The following TNIK variants were observed in gnomAD, a reference collection of about 807,000 sequenced individuals.
TNIK encodes TRAF2 and NCK interacting kinase.
Under a neutral mutation model 191.3 loss-of-function variants are expected in TNIK, and 49 were observed. The ratio of observed to expected loss-of-function variants is 0.26; its 90% CI spans 0.20 to 0.32. The LOEUF is 0.32. TNIK is among the 10% of genes least tolerant of loss of function. The pLI, the probability that TNIK is intolerant of heterozygous loss-of-function variation, is 1.00. For synonymous variants in TNIK, 594 were observed against 600.9 expected (o/e 0.99, Z 0.17); for missense variants, 1,155 against 1,702.3 (o/e 0.68, Z 5.66).
chr3:171,091,724 G>C (rs984874156), intron 23 of TNIK, among the ~76,000 whole-genome samples: 4 of 151,736 alleles, frequency 2.6e-5, no homozygotes, highest in Admixed American at 6.6e-5. Context: ...GACAGAGCGA[G>C]ACTCCATCTC....
intron 23 of TNIK, among the ~76,000 whole-genome samples, chr3:171,089,885 C>T (rs1056367369): frequency 1.3e-5 from 2 of 152,164 alleles, no homozygotes; most frequent in Non-Finnish European, 1.5e-5. Context: ...CTGAGTGACA[C>T]GGGTTCTAAG....
intron 2 of TNIK, among the ~76,000 whole-genome samples, chr3:171,293,475 TG>T (rs920097310): frequency 6.6e-6 from 1 of 152,212 alleles, no homozygotes; most frequent in Non-Finnish European, 1.5e-5. Context: ...CACATAACTA[TG>T]GGGAAATTAT....
chr3:171,305,172 C>T (rs753335784), intron 2 of TNIK, among the ~76,000 whole-genome samples: 26 of 151,948 alleles, frequency 1.7e-4, no homozygotes, highest in Non-Finnish European at 2.9e-4. Flanking sequence ...AGAGCTAAAG[C>T]ATAACCTGAC....
At chr3:171,228,371 T>C (rs1743205770) in intron 2 of TNIK, 150 bp from the exon 3 acceptor site, 2 of 718,978 alleles carry the variant, frequency 2.8e-6, no homozygotes. Flanking sequence ...ACACCATGTC[T>C]ACTTAGTGTT....
intron 7 of TNIK, among the ~76,000 whole-genome samples, chr3:171,182,157 C>T (rs1332263001): frequency 7.7e-6 from 1 of 129,442 alleles, no homozygotes; most frequent in Non-Finnish European, 1.6e-5. Context: ...CATTTGATAT[C>T]ATTGTTAGGA....
intron 23 of TNIK, among the ~76,000 whole-genome samples, chr3:171,091,416 C>A (rs60856596): frequency 0.033 from 4,987 of 152,238 alleles, 292 homozygotes; most frequent in African/African-American, 0.11. Flanking sequence ...GACTTCTCAG[C>A]CTCCATATCA....
intron 2 of TNIK, among the ~76,000 whole-genome samples, chr3:171,241,113 C>A (rs1283037721): frequency 6.6e-6 from 1 of 152,018 alleles, no homozygotes; most frequent in Non-Finnish European, 1.5e-5. Context: ...TCACCGCAAC[C>A]TCCACCTCCC....
At chr3:171,248,834 G>A (rs1745906661) in intron 2 of TNIK, among the ~76,000 whole-genome samples, 1 of 151,934 alleles carries the variant, frequency 6.6e-6, no homozygotes, top group African/African-American at 2.4e-5. Context: ...CTGGTTAATG[G>A]CAAGGCTAAA....
rs374881702 is a variant in TNIK at position 171,370,126 on chromosome 3, G to A, written c.58-441C>T. 1.6e-4 allele frequency among the ~76,000 whole-genome samples: 25 copies of A among 152,236 alleles called. No individual in the cohort carries two copies. In the South Asian group the frequency reaches 4.8e-3, roughly 29 times the overall value. On this transcript the variant is annotated intron_variant, in intron 1 of 32. Transcript: ENST00000436636. ...TGAGTGAGCCCTGGTAGCTAAGAAGGGTGTTCGTGCATTGTGGGGCAATCT... is the reference window on the plus strand; with the variant it reads ...TGAGTGAGCCCTGGTAGCTAAGAAGAGTGTTCGTGCATTGTGGGGCAATCT...
chr3:171,153,368 A>G (rs1181071589), intron 12 of TNIK, among the ~76,000 whole-genome samples: 1 of 151,642 alleles, frequency 6.6e-6, no homozygotes, highest in African/African-American at 2.4e-5. Flanking sequence ...CTTATTTTTG[A>G]CCCCTCTTCT....
chr3:171,075,386 A>C (rs1042811810), intron 28 of TNIK, among the ~76,000 whole-genome samples: 1 of 152,206 alleles, frequency 6.6e-6, no homozygotes, highest in African/African-American at 2.4e-5. Flanking sequence ...GAATGATGGG[A>C]TGTATGTTTT....
At chr3:171,329,552 A>G (rs1345908081) in intron 2 of TNIK, among the ~76,000 whole-genome samples, 1 of 152,240 alleles carries the variant, frequency 6.6e-6, no homozygotes, top group Non-Finnish European at 1.5e-5. Context: ...GTTGTTGTGA[A>G]AATGATACAT....
intron 2 of TNIK, among the ~76,000 whole-genome samples, chr3:171,341,629 A>G (rs980159125): frequency 2.0e-5 from 3 of 152,086 alleles, no homozygotes; most frequent in Admixed American, 2.0e-4. Flanking sequence ...AGCCCAAGGC[A>G]TTATGCGGAA....
chr3:171,132,650 T>C (rs1729466944), intron 15 of TNIK, among the ~76,000 whole-genome samples: 1 of 152,230 alleles, frequency 6.6e-6, no homozygotes, highest in Admixed American at 6.5e-5. Flanking sequence ...TTTTATATTT[T>C]AAAACAATTT....
chr3:171,387,550 C>T (rs560612044), intron 1 of TNIK, among the ~76,000 whole-genome samples: 1 of 152,116 alleles, frequency 6.6e-6, no homozygotes, highest in Admixed American at 6.6e-5. Flanking sequence ...AGTCACTATA[C>T]TCAAATGCTT....
intron 3 of TNIK, among the ~76,000 whole-genome samples, chr3:171,220,910 C>T (rs1370574842): frequency 6.6e-6 from 1 of 152,168 alleles, no homozygotes; most frequent in African/African-American, 2.4e-5. Flanking sequence ...TGAGCATACA[C>T]ATACAACAAG....
chr3:171,111,975 G>A (rs1220211264), intron 18 of TNIK, among the ~76,000 whole-genome samples: 1 of 152,162 alleles, frequency 6.6e-6, no homozygotes, highest in Non-Finnish European at 1.5e-5. Flanking sequence ...GACAGCATGA[G>A]TAACTTTTGG....
intron 1 of TNIK, among the ~76,000 whole-genome samples, chr3:171,437,534 C>T (rs1031705218): frequency 8.0e-5 from 9 of 112,522 alleles, no homozygotes; most frequent in Admixed American, 4.6e-4. Flanking sequence ...CATGCAACTG[C>T]TTCTGGGATT....
intron 18 of TNIK, among the ~76,000 whole-genome samples, chr3:171,119,923 T>A (rs1448490986): frequency 6.6e-6 from 1 of 152,192 alleles, no homozygotes; most frequent in Non-Finnish European, 1.5e-5. Context: ...GTTGTGCACA[T>A]GTACCCTAAA....
Sources: gnomAD v4.1 joint callset for allele counts (sites outside exome capture counted in the v4.1 genomes callset) on GRCh38, gnomAD v4.1.1 for gene constraint, MANE v1.5 for transcripts, NCBI Gene and HGNC (gene_info 2026-07-23, HGNC 2026-07-21) for gene names.